The following ACTR3 variants were observed in gnomAD, a reference collection of about 807,000 sequenced individuals.
ACTR3 encodes the protein actin related protein 3, also known as actin-related protein 3.
ACTR3 carries 12 observed loss-of-function variants against 56.8 expected under a neutral mutation model. That is an observed-to-expected ratio of 0.21 (90% CI 0.14 to 0.34). ACTR3 has a LOEUF of 0.34. Among genes scored for constraint, ACTR3 ranks in the 10% least tolerant of loss-of-function variants. The pLI is 1.00. For synonymous variants in ACTR3, 162 were observed against 167.4 expected (o/e 0.97, Z 0.25); for missense variants, 282 against 512.5 (o/e 0.55, Z 4.34).
upstream of ACTR3, chr2:113,889,995 A>G: frequency 1.9e-6 from 1 of 521,186 alleles, no homozygotes; most frequent in South Asian, 2.4e-5. Context: ...CGTGAGGGGA[A>G]GAAGTTGTAG....
At chr2:113,893,292 G>T (rs200863533) in intron 1 of ACTR3, among the ~76,000 whole-genome samples, 6 of 106,082 alleles carry the variant, frequency 5.7e-5, no homozygotes, top group South Asian at 3.4e-4. Context: ...TTGTTTTTTT[G>T]TTTGTTTGTT....
At chr2:113,913,066 A>G (rs1679337643) in intron 1 of ACTR3, 106 bp from the exon 2 acceptor site, 2 of 701,698 alleles carry the variant, frequency 2.9e-6, no homozygotes, top group Admixed American at 6.8e-5. Context: ...TTGGTATATT[A>G]TTTACCTACG....
intron 1 of ACTR3, among the ~76,000 whole-genome samples, chr2:113,897,553 G>A (rs1679032379): frequency 7.5e-6 from 1 of 133,662 alleles, no homozygotes; most frequent in Admixed American, 8.4e-5. Context: ...TTGAGGCAGA[G>A]TGTTGCTCTG....
intron 1 of ACTR3, among the ~76,000 whole-genome samples, chr2:113,893,097 C>T (rs562839084): frequency 6.6e-6 from 1 of 152,116 alleles, no homozygotes; most frequent in African/African-American, 2.4e-5. Context: ...CATAGATTCC[C>T]ATTGGTGGCT....
chr2:113,913,312 G>T, intron 2 of ACTR3, 85 bp downstream of exon 2: 1 of 1,049,460 alleles, frequency 9.5e-7, no homozygotes, highest in South Asian at 1.6e-5. Flanking sequence ...AATCAGTTCT[G>T]AAATCCTAAA....
rs901604449 is a variant in ACTR3 at position 113,907,478 on chromosome 2, C to T, written c.45-5694C>T. 2.0e-5 allele frequency among the ~76,000 whole-genome samples: 3 copies of T among 152,112 alleles called. No individual in the cohort carries two copies. The South Asian group carries it at 6.2e-4, about 31-fold the overall frequency. On this transcript the variant is annotated intron_variant, in intron 1 of 11. Transcript: ENST00000263238. The stretch of plus-strand genomic sequence containing the variant: ...TTGTTGCCCAGGCTGGTGTTCACCT[C>T]TTGTCCTCAAGTGACCTTCCTGCTT...
Position 113,924,387 on chromosome 2 carries a change from C to T in ACTR3, c.226-2958C>T, listed in dbSNP as rs796098490. Among the ~76,000 whole-genome samples, 8 of 151,934 alleles carry T rather than the reference C, an allele frequency of 5.3e-5. 1 individual carries two copies. The highest frequency in any genetic ancestry group is 1.9e-4 in the African/African-American group (8 of 41,424). On this transcript the variant is annotated intron_variant, in intron 3 of 11. Transcript: ENST00000263238. The stretch of plus-strand genomic sequence containing the variant: ...CCACCATGCCCAGCCCTTTCTTATT[C>T]TTATTGACTGAGAAATCTTCAATGT...
intron 3 of ACTR3, among the ~76,000 whole-genome samples, chr2:113,920,026 C>A (rs576648302): frequency 2.0e-5 from 3 of 152,154 alleles, no homozygotes; most frequent in African/African-American, 7.2e-5. Flanking sequence ...TGGGTTCAGG[C>A]GATTCTCCTG....
At chr2:113,910,598 A>G (rs534317613) in intron 1 of ACTR3, among the ~76,000 whole-genome samples, 41 of 152,196 alleles carry the variant, frequency 2.7e-4, no homozygotes, top group African/African-American at 8.9e-4. Context: ...TGTTATCTCC[A>G]GGTAGATAGT....
intron 1 of ACTR3, among the ~76,000 whole-genome samples, chr2:113,897,533 T>G (rs1407150008): frequency 2.7e-5 from 4 of 146,620 alleles, no homozygotes; most frequent in African/African-American, 1.0e-4. Flanking sequence ...TTTTTTTTTT[T>G]TTTTTTTTTT....
intron 8 of ACTR3, among the ~76,000 whole-genome samples, chr2:113,947,629 G>A (rs1293534026): frequency 6.6e-6 from 1 of 152,176 alleles, no homozygotes; most frequent in East Asian, 1.9e-4. Flanking sequence ...ACTCCAGTGT[G>A]AGCAACAGAG....
intron 10 of ACTR3, chr2:113,955,350 C>G (rs777338167): frequency 4.0e-6 from 1 of 251,226 alleles, no homozygotes; most frequent in Non-Finnish European, 7.5e-6. Flanking sequence ...ATGTAAAACA[C>G]TAACATTTAG....
At chr2:113,902,872 T>TA (rs1679127634) in intron 1 of ACTR3, among the ~76,000 whole-genome samples, 2 of 152,220 alleles carry the variant, frequency 1.3e-5, no homozygotes, top group Non-Finnish European at 2.9e-5. Context: ...GTGCTGGGAT[T>TA]ACAGGGATGA....
intron 1 of ACTR3, among the ~76,000 whole-genome samples, chr2:113,908,185 T>C (rs1679235553): frequency 1.3e-5 from 2 of 151,010 alleles, no homozygotes; most frequent in African/African-American, 4.8e-5. Context: ...AATTTAAAGA[T>C]AGTGATTACA....
intron 2 of ACTR3, among the ~76,000 whole-genome samples, chr2:113,916,396 ATTACTAGACCACAATAGTAATTACTG>A (rs1288029224): frequency 2.0e-5 from 3 of 152,222 alleles, no homozygotes; most frequent in African/African-American, 7.2e-5. Context: ...TTACATTTAA[ATTACTAGACCACAATAGTAATTACTG>A]TTACTAGACC....
rs1167660835 is a variant in ACTR3, at chr2:113,961,400, A to C, written c.*3945A>C. The C allele has an allele frequency of 1.3e-5, 2 of 152,008 alleles. No individual in the cohort carries two copies. Among genetic ancestry groups the C allele is most frequent in the East Asian group, 3.8e-4 (2 of 5,202 alleles). 9.4% of individuals were successfully genotyped at this position (152,008 alleles called of 1,614,324 possible). Reference sequence around the variant, plus strand: ...GAACAACGATAGAAATACGTGATCTAGGAAAGAAGGCAACTGAAAAACCTG... The same window carrying C: ...GAACAACGATAGAAATACGTGATCTCGGAAAGAAGGCAACTGAAAAACCTG... On this transcript the variant is annotated 3_prime_UTR_variant, in exon 12 of 12. Coordinates refer to ENST00000263238, the MANE Select transcript of ACTR3 (RefSeq NM_005721.5).
chr2:113,949,420 A>T (rs1406355298), intron 8 of ACTR3, among the ~76,000 whole-genome samples: 1 of 151,328 alleles, frequency 6.6e-6, no homozygotes, highest in Non-Finnish European at 1.5e-5. Context: ...AAATTGACAC[A>T]TGCCTAATAA....
At chr2:113,944,799 A>G (rs578057817) in intron 8 of ACTR3, among the ~76,000 whole-genome samples, 1 of 152,072 alleles carries the variant, frequency 6.6e-6, no homozygotes, top group African/African-American at 2.4e-5. Flanking sequence ...AATGACTTTC[A>G]TATTTACTGT....
At position 113,953,740 on chromosome 2, in the gene ACTR3, T is replaced by G. The variant is rs184044063; in HGVS notation, c.1078-1883T>G. The G allele has an allele frequency of 8.5e-5, 13 of 152,304 alleles. 1 individual carries two copies. The East Asian group carries it at 2.5e-3, about 29-fold the overall frequency. 9.4% of individuals were successfully genotyped at this position (152,304 alleles called of 1,614,324 possible). On this transcript the variant is annotated intron_variant, in intron 10 of 11. Transcript: ENST00000263238. ...TATGATGGTTCATTATCCCCAAACA[T>G]TTTAGTATATTTCTAAAATCAAGAA...
Sources: allele counts gnomAD v4.1 joint callset (sites outside exome capture counted in the v4.1 genomes callset), GRCh38; gene constraint gnomAD v4.1.1; transcripts MANE v1.5; gene names NCBI Gene and HGNC (gene_info 2026-07-23, HGNC 2026-07-21).